SPON1: variants seen among roughly 807,000 people sequenced by gnomAD.
SPON1 encodes the protein spondin 1, also known as spondin-1.
SPON1 carries 52 observed loss-of-function variants against 111.7 expected under a neutral mutation model. That is an observed-to-expected ratio of 0.47 (90% CI 0.37 to 0.59). The LOEUF (loss-of-function observed/expected upper bound fraction) is 0.59. SPON1 is among the 20% of genes least tolerant of loss of function. SPON1 has a pLI of 0.00. For synonymous variants in SPON1, 410 were observed against 395.8 expected (o/e 1.04, Z -0.43); for missense variants, 957 against 1,068.5 (o/e 0.90, Z 1.46).
At chr11:13,997,699 C>T (rs1345464221) in intron 2 of SPON1, among the ~76,000 whole-genome samples, 2 of 152,158 alleles carry the variant, frequency 1.3e-5, no homozygotes, top group Admixed American at 6.5e-5. Flanking sequence ...ACAGTCTTCT[C>T]TAGTTCATTC....
chr11:14,181,876 T>C (rs1472898537), intron 6 of SPON1, among the ~76,000 whole-genome samples: 1 of 152,244 alleles, frequency 6.6e-6, no homozygotes, highest in Non-Finnish European at 1.5e-5. Flanking sequence ...TTAGTAATGA[T>C]AACGCCCATA....
rs782801585 is a variant in SPON1 at position 14,262,988 on chromosome 11, A to G, written c.2260+13A>G. 5.0e-6 allele frequency: 8 copies of G among 1,610,834 alleles called. No individual in the cohort carries two copies. The highest frequency in any genetic ancestry group is 2.2e-5 in the South Asian group (2 of 90,918). On this transcript the variant is annotated intron_variant, in intron 15 of 15. Coordinates refer to ENST00000576479, the MANE Select transcript of SPON1 (RefSeq NM_006108.4). The stretch of plus-strand genomic sequence containing the variant: ...GAGCAGTTCCCAGGTATGGCTCCCA[A>G]GTGTCAGCCTGGGTGGTCTCCAGGA...
intron 2 of SPON1, among the ~76,000 whole-genome samples, chr11:13,985,759 T>G (rs1192276281): frequency 9.9e-5 from 15 of 152,204 alleles, no homozygotes; most frequent in Non-Finnish European, 2.2e-4. Flanking sequence ...AGGAGTTCAC[T>G]AAGTTGACTA....
At chr11:14,085,356 T>A (rs1554922473) in intron 5 of SPON1, among the ~76,000 whole-genome samples, 1 of 152,252 alleles carries the variant, frequency 6.6e-6, no homozygotes, top group African/African-American at 2.4e-5. Context: ...GTTTCTGTTT[T>A]ATGCATATGG....
At chr11:14,097,918 T>C (rs1277579220) in intron 5 of SPON1, among the ~76,000 whole-genome samples, 1 of 152,248 alleles carries the variant, frequency 6.6e-6, no homozygotes, top group Admixed American at 6.5e-5. Context: ...TGATGTTGAC[T>C]CTTGGCTTCC....
intron 6 of SPON1, among the ~76,000 whole-genome samples, chr11:14,191,422 T>A (rs1564927743): frequency 6.6e-6 from 1 of 152,172 alleles, no homozygotes; most frequent in African/African-American, 2.4e-5. Flanking sequence ...CAAGTAGAAC[T>A]CCTTAAATGT....
chr11:13,995,338 T>A (rs558112880), intron 2 of SPON1, among the ~76,000 whole-genome samples: 1 of 152,300 alleles, frequency 6.6e-6, no homozygotes, highest in East Asian at 1.9e-4. Context: ...AGATACTACC[T>A]GAGACTGGGT....
At chr11:14,024,927 C>T (rs930874285) in intron 2 of SPON1, among the ~76,000 whole-genome samples, 5 of 152,154 alleles carry the variant, frequency 3.3e-5, no homozygotes, top group African/African-American at 1.2e-4. Context: ...ATGATTAGAA[C>T]TGAAAAGAAT....
intron 6 of SPON1, among the ~76,000 whole-genome samples, chr11:14,183,238 A>G (rs1224849832): frequency 6.6e-6 from 1 of 152,178 alleles, no homozygotes; most frequent in African/African-American, 2.4e-5. Flanking sequence ...CTTTAATAGC[A>G]TACTCTTAGG....
In SPON1 at chr11:14,161,031, A is replaced by ATATATATCTATATATTTATATATATTTC. The variant is rs1564919915; in HGVS notation, c.825+25490_825+25491insCTATATATCTATATATTTATATATATTT. Among the ~76,000 whole-genome samples, 68 of 57,308 alleles carry ATATATATCTATATATTTATATATATTTC rather than the reference A, an allele frequency of 1.2e-3. 6 individuals are homozygous for ATATATATCTATATATTTATATATATTTC. The highest frequency in any genetic ancestry group is 5.2e-3 in the African/African-American group (67 of 12,790). 37.6% of individuals were successfully genotyped at this position (57,308 alleles called of 152,430 possible). On this transcript the variant is annotated intron_variant, in intron 6 of 15. Coordinates refer to ENST00000576479, the MANE Select transcript of SPON1 (RefSeq NM_006108.4). ...TATATTTATATATCTATATATATTT[A>ATATATATCTATATATTTATATATATTTC]TATATATCTATATATTTATATATAT...
intron 6 of SPON1, among the ~76,000 whole-genome samples, chr11:14,180,117 A>G (rs1848221570): frequency 6.6e-6 from 1 of 152,168 alleles, no homozygotes; most frequent in Admixed American, 6.5e-5. Context: ...GTGACCAACC[A>G]TCCCAGTTTG....
intron 14 of SPON1, among the ~76,000 whole-genome samples, chr11:14,261,756 C>T (rs1554941920): frequency 6.6e-6 from 1 of 152,072 alleles, no homozygotes; most frequent in Admixed American, 6.5e-5. Context: ...CTTAGAGTGC[C>T]TGGGGTCCAC....
At chr11:14,062,044 C>G (rs1310394958) in intron 3 of SPON1, among the ~76,000 whole-genome samples, 2 of 152,216 alleles carry the variant, frequency 1.3e-5, no homozygotes, top group African/African-American at 4.8e-5. Context: ...CTTGGTAGTA[C>G]TGGGTCACAG....
rs2133931064 is a variant in SPON1, at chr11:14,266,446, A to T, written c.*759A>T. ...CTTTTGGGGGTTCAGAGGAGTATGT[A>T]CAATTCTTCTGGGAAGCCAGCCTTC... On this transcript the variant is annotated 3_prime_UTR_variant, in exon 16 of 16. Coordinates refer to ENST00000576479, the MANE Select transcript of SPON1 (RefSeq NM_006108.4). 1 of 152,270 alleles carries T rather than the reference A, an allele frequency of 6.6e-6. No individual in the cohort carries two copies. The highest frequency in any genetic ancestry group is 6.5e-5 in the Admixed American group (1 of 15,304). 9.4% of individuals were successfully genotyped at this position (152,270 alleles called of 1,614,324 possible).
chr11:13,989,263 T>A (rs545598527), intron 2 of SPON1, among the ~76,000 whole-genome samples: 11 of 152,332 alleles, frequency 7.2e-5, no homozygotes, highest in Non-Finnish European at 1.3e-4. Flanking sequence ...AGCTTCTTCA[T>A]GGTTTCGACT....
rs140666719 is a variant in SPON1, at chr11:14,107,314, G to A, written c.676+27293G>A. 6.8e-4 allele frequency among the ~76,000 whole-genome samples: 104 copies of A among 152,154 alleles called. No individual in the cohort carries two copies. In the East Asian group the frequency reaches 0.011, roughly 16 times the overall value. ...GAAGAGAAATAATGTTCCTTTATCC[G>A]CCCACACACATTGATATTCAAGGCA... On this transcript the variant is annotated intron_variant, in intron 5 of 15. Transcript: ENST00000576479.
intron 1 of SPON1, among the ~76,000 whole-genome samples, chr11:13,978,404 G>A (rs545426807): frequency 5.3e-5 from 8 of 152,230 alleles, no homozygotes; most frequent in Middle Eastern, 3.4e-3. Flanking sequence ...TTAATAGCAC[G>A]TCAACTCCGC....
intron 6 of SPON1, among the ~76,000 whole-genome samples, chr11:14,160,887 TTATATATA>T (rs1168721569): frequency 2.3e-5 from 1 of 43,692 alleles, no homozygotes; most frequent in Non-Finnish European, 3.7e-5. Context: ...TTTTATATAT[TTATATATA>T]TTTATATATT....
chr11:14,210,893 G>T (rs978960778), intron 6 of SPON1, among the ~76,000 whole-genome samples: 2 of 152,158 alleles, frequency 1.3e-5, no homozygotes, highest in East Asian at 1.9e-4. Context: ...TGTCAGGTTT[G>T]TCAAAGATCA....
Sources: allele counts gnomAD v4.1 joint callset (sites outside exome capture counted in the v4.1 genomes callset), GRCh38; gene constraint gnomAD v4.1.1; transcripts MANE v1.5; gene names NCBI Gene and HGNC (gene_info 2026-07-23, HGNC 2026-07-21).